The following SETD4 variants were observed in gnomAD, a reference collection of about 807,000 sequenced individuals.
SETD4 encodes the protein SET domain-containing protein 4.
Under a neutral mutation model 58.3 loss-of-function variants are expected in SETD4, and 46 were observed. The observed-to-expected ratio is 0.79, with a 90% CI of 0.62 to 1.01. SETD4 has a LOEUF of 1.01. SETD4 is among the 50% of genes least tolerant of loss of function. The pLI, the probability that SETD4 is intolerant of heterozygous loss-of-function variation, is 0.00. For synonymous variants in SETD4, 190 were observed against 202.6 expected (o/e 0.94, Z 0.53); for missense variants, 490 against 523.3 (o/e 0.94, Z 0.62).
At position 36,041,787 on chromosome 21, in the gene SETD4, A is replaced by G. The variant is rs773060148; in HGVS notation, c.983+20T>C. 25 of 1,435,204 alleles carry G rather than the reference A, an allele frequency of 1.7e-5. No homozygotes were observed. The highest frequency in any genetic ancestry group is 2.4e-5 in the Non-Finnish European group (25 of 1,058,234). The allele number at this position is 1,435,204 out of a possible 1,614,324, so 88.9% of individuals were successfully genotyped here. A position where few individuals can be genotyped will look rare whatever the true frequency, so the allele number is the denominator to read the frequency against. On this transcript the variant is annotated intron_variant, in intron 8 of 11. Transcript: ENST00000332131. ...AATTTCCTAAAGGAATAATTTTAAGAGGGAAAGAGAAACACTTACTCTATA... is the reference window on the plus strand; with the variant it reads ...AATTTCCTAAAGGAATAATTTTAAGGGGGAAAGAGAAACACTTACTCTATA...
At chr21:36,051,290 G>T in intron 4 of SETD4, 1 of 1,592,780 alleles carries the variant, frequency 6.3e-7, no homozygotes, top group South Asian at 1.1e-5. Flanking sequence ...CTGAAAGCAT[G>T]GAGCGAGAGC....
At chr21:36,044,999 G>T (rs1388543438) in intron 6 of SETD4, among the ~76,000 whole-genome samples, 1 of 152,080 alleles carries the variant, frequency 6.6e-6, no homozygotes, top group Non-Finnish European at 1.5e-5. Flanking sequence ...CCCAAATCAG[G>T]TTTCTTTCAT....
chr21:36,059,819 G>C, intron 1 of SETD4: 8 of 985,500 alleles, frequency 8.1e-6, no homozygotes, highest in Non-Finnish European at 9.6e-6. Context: ...TTCATTATTT[G>C]ACCTAACGAA....
At chr21:36,050,264 C>T in intron 4 of SETD4, 2 of 1,540,214 alleles carry the variant, frequency 1.3e-6, no homozygotes, top group Non-Finnish European at 9.0e-7. Context: ...TAGATTGTCC[C>T]ATCAGGGAAG....
chr21:36,049,283 G>A (rs1037645891), intron 4 of SETD4, among the ~76,000 whole-genome samples: 2 of 152,208 alleles, frequency 1.3e-5, no homozygotes, highest in African/African-American at 2.4e-5. Flanking sequence ...GGCCAGGCGC[G>A]GTGGCTCATG....
chr21:36,049,093 G>A (rs543484500), intron 4 of SETD4, among the ~76,000 whole-genome samples: 5 of 152,198 alleles, frequency 3.3e-5, no homozygotes, highest in Admixed American at 6.5e-5. Flanking sequence ...AGTAAGCGTC[G>A]AACTCTACCA....
rs1478247440 is a variant in SETD4 at position 36,045,397 on chromosome 21, T to C, written c.726+185A>G. ...GAAGAAAAGGGGCCAAGGCAAGCAC[T>C]GCGGGAGGGATAGTGGGGTCTAGAA... On this transcript the variant is annotated intron_variant, in intron 6 of 11. Transcript: ENST00000332131. Among the ~76,000 whole-genome samples the C allele has an allele frequency of 2.6e-5, 4 of 152,228 alleles. No homozygotes were observed. In the East Asian group the frequency reaches 7.7e-4, roughly 29 times the overall value.
In SETD4 at chr21:36,058,917, A is replaced by G. The variant is rs770686945; in HGVS notation, c.-29T>C. 6.4e-6 allele frequency: 10 copies of G among 1,562,804 alleles called. No individual in the cohort carries two copies. The highest frequency in any genetic ancestry group is 8.6e-6 in the Non-Finnish European group (10 of 1,159,564). ...AAAACTGTAGTTTCTTTTTTCTGAA[A>G]TACAGTTCTATTTTTTCAAAAAGGA... On this transcript the variant is annotated 5_prime_UTR_variant, in exon 2 of 12. Transcript: ENST00000332131.
intron 4 of SETD4, among the ~76,000 whole-genome samples, 164 bp from the exon 5 acceptor site, chr21:36,048,560 G>A (rs375085929): frequency 1.9e-4 from 29 of 152,058 alleles, no homozygotes; most frequent in African/African-American, 6.8e-4. Context: ...CCAACTCTGC[G>A]AGTCAGCAGA....
intron 3 of SETD4, among the ~76,000 whole-genome samples, chr21:36,056,585 G>C (rs990615172): frequency 6.6e-6 from 1 of 152,142 alleles, no homozygotes; most frequent in Non-Finnish European, 1.5e-5. Context: ...TTGAGACAAG[G>C]TCTCACTCTA....
intron 4 of SETD4, 98 bp from the exon 5 acceptor site, chr21:36,048,494 G>A (rs1394259137): frequency 1.0e-6 from 1 of 971,124 alleles, no homozygotes; most frequent in South Asian, 1.3e-5. Flanking sequence ...TCACCTACCA[G>A]TAACCCACTG....
chr21:36,059,753 T>C (rs746008844), intron 1 of SETD4: 4 of 985,104 alleles, frequency 4.1e-6, no homozygotes, highest in Non-Finnish European at 4.8e-6. Context: ...AGGGCAGAAA[T>C]GAGCAAGAGA....
chr21:36,045,764 G>A lies in SETD4; in HGVS notation c.544C>T (p.Pro182Ser). 1 of 1,614,196 alleles carries A rather than the reference G, an allele frequency of 6.2e-7. No individual in the cohort carries two copies. Among genetic ancestry groups the A allele is most frequent in the Non-Finnish European group, 8.5e-7 (1 of 1,180,034 alleles). ...SSRDFFSSLQ[P>S]LFAEAVDSIF... ...CTGTCAACAGCCTCCGCAAACAGAG[G>A]CTGCAGAGAAGAGAAAAAGTCTCTG... The change falls in exon 6 of 12, where the codon CCT becomes TCT. Residue 182 changes from proline (P) to serine (S), a missense_variant. Transcript: ENST00000332131.
intron 4 of SETD4, chr21:36,050,211 A>T (rs994915319): frequency 5.0e-6 from 6 of 1,198,664 alleles, no homozygotes; most frequent in Non-Finnish European, 6.2e-6. Context: ...GCACAAGCTG[A>T]TCAAGATCTG....
Position 36,050,893 on chromosome 21 carries a change from T to G in SETD4, c.208-2497A>C. 1.9e-6 allele frequency: 3 copies of G among 1,611,034 alleles called. No individual in the cohort carries two copies. In the South Asian group the frequency reaches 3.3e-5, roughly 18 times the overall value. On this transcript the variant is annotated intron_variant, in intron 4 of 11. Coordinates refer to ENST00000332131, the MANE Select transcript of SETD4 (RefSeq NM_017438.5). ...TTACATTGTTCAACAGATGGGAGAA[T>G]GCAAAGCAACTGCTCATTAGGTGGT...
intron 3 of SETD4, among the ~76,000 whole-genome samples, chr21:36,055,034 CA>C (rs540825936): frequency 7.2e-4 from 110 of 152,358 alleles, no homozygotes; most frequent in African/African-American, 2.5e-3. Flanking sequence ...TCTGCTTATA[CA>C]GCTGGTTCTA....
chr21:36,038,323 A>T (rs760515317), intron 9 of SETD4, 50 bp from the exon 10 acceptor site: 3 of 1,597,694 alleles, frequency 1.9e-6, no homozygotes, highest in Non-Finnish European at 2.6e-6. Context: ...CTCAAAAAAC[A>T]GATTTTTTTG....
intron 5 of SETD4, 59 bp from the exon 6 acceptor site, chr21:36,046,070 C>A: frequency 6.4e-7 from 1 of 1,557,880 alleles, no homozygotes. Flanking sequence ...CGAAATAAGC[C>A]AAGCAGTTTG....
At chr21:36,040,724 G>A (rs1446733688) in intron 8 of SETD4, 69 bp from the exon 9 acceptor site, 44 of 1,382,774 alleles carry the variant, frequency 3.2e-5, no homozygotes, top group Non-Finnish European at 4.4e-5. Context: ...GCAAATGACT[G>A]AAGAGCCAAA....
Sources: allele counts gnomAD v4.1 joint callset (sites outside exome capture counted in the v4.1 genomes callset), GRCh38; gene constraint gnomAD v4.1.1; transcripts MANE v1.5; gene names NCBI Gene and HGNC (gene_info 2026-07-23, HGNC 2026-07-21).